Variants in MMP16 observed in about 807,000 individuals in gnomAD.
The protein encoded by MMP16 is matrix metallopeptidase 16.
Under a neutral mutation model 67.8 loss-of-function variants are expected in MMP16, and 12 were observed. The ratio of observed to expected loss-of-function variants is 0.18; its 90% CI spans 0.11 to 0.29. MMP16 has a LOEUF of 0.29. Among genes scored for constraint, MMP16 ranks in the 10% least tolerant of loss-of-function variants. The pLI, the probability that MMP16 is intolerant of heterozygous loss-of-function variation, is 1.00. For missense variants in MMP16, 475 were observed against 765.7 expected, an observed-to-expected ratio of 0.62 and a Z score of 4.48; for synonymous variants, 249 against 255.9, an observed-to-expected ratio of 0.97 and a Z score of 0.26.
intron 1 of MMP16, among the ~76,000 whole-genome samples, chr8:88,206,138 TA>T (rs199681070): frequency 2.1e-4 from 32 of 151,826 alleles, no homozygotes; most frequent in East Asian, 1.7e-3. Flanking sequence ...TAAATTGTGG[TA>T]AAAAAAATAT....
At chr8:88,181,721 A>G (rs1257338815) in intron 3 of MMP16, among the ~76,000 whole-genome samples, 1 of 152,004 alleles carries the variant, frequency 6.6e-6, no homozygotes, top group Admixed American at 6.5e-5. Flanking sequence ...CAGAATACTT[A>G]AGAAAATAAA....
chr8:88,080,445 ATTTAT>A (rs1358324864), intron 6 of MMP16, among the ~76,000 whole-genome samples: 2 of 151,964 alleles, frequency 1.3e-5, no homozygotes, highest in African/African-American at 4.8e-5. Flanking sequence ...ATATTTATTT[ATTTAT>A]TTTGAGACAG....
At chr8:88,161,893 A>C (rs1217912420) in intron 4 of MMP16, among the ~76,000 whole-genome samples, 2 of 151,830 alleles carry the variant, frequency 1.3e-5, no homozygotes, top group Non-Finnish European at 2.9e-5. Context: ...CCTGAGTTCT[A>C]GTTTGATTGC....
chr8:88,185,564 T>A (rs1250699586), intron 3 of MMP16, among the ~76,000 whole-genome samples: 1 of 152,192 alleles, frequency 6.6e-6, no homozygotes, highest in African/African-American at 2.4e-5. Flanking sequence ...CAAAGGGTTA[T>A]TTACATGAAG....
rs186449478 is a variant in MMP16 at position 88,083,680 on chromosome 8, T to A, written c.1084-8937A>T. 6.8e-4 allele frequency among the ~76,000 whole-genome samples: 103 copies of A among 152,190 alleles called. 1 individual carries two copies. Among genetic ancestry groups the A allele is most frequent in the African/African-American group, 2.5e-3 (102 of 41,570 alleles). On this transcript the variant is annotated intron_variant, in intron 6 of 9. Coordinates refer to ENST00000286614, the MANE Select transcript of MMP16 (RefSeq NM_005941.5). The stretch of plus-strand genomic sequence containing the variant: ...GAGTTAAACATCTGTGCTGCCTTTT[T>A]AGAAGAAAAAATGTAGTTCATCTCT...
At chr8:88,057,230 T>C (rs541083539) in intron 7 of MMP16, among the ~76,000 whole-genome samples, 1 of 152,296 alleles carries the variant, frequency 6.6e-6, no homozygotes, top group African/African-American at 2.4e-5. Context: ...TCTGGGCTTA[T>C]TGTATTTTAC....
Position 88,167,942 on chromosome 8 carries a change from G to C in MMP16, c.436C>G (p.Pro146Ala). ...IKNVTPKVGD[P>A]ETRKAIRRAF... Reference sequence around the variant, plus strand: ...CGGCGAATAGCTTTACGAGTCTCAGGGTCTCCTACTTTTGGAGTTACGTTC... The same window carrying C: ...CGGCGAATAGCTTTACGAGTCTCAGCGTCTCCTACTTTTGGAGTTACGTTC... The change falls in exon 4 of 10, where the codon CCT becomes GCT. Residue 146 changes from proline (P) to alanine (A), a missense_variant. Physicochemically the swap from Pro to Ala is conservative, Grantham distance 27. This residue lies in a region of MMP16 where 170 missense variants were observed against 239.6 expected (regional missense o/e 0.71). Transcript: ENST00000286614. 7 of 1,612,124 alleles carry C rather than the reference G, an allele frequency of 4.3e-6. No homozygotes were observed. The South Asian group carries it at 6.6e-5, about 15-fold the overall frequency.
chr8:88,109,329 T>C (rs1809294617), intron 6 of MMP16, among the ~76,000 whole-genome samples: 1 of 151,326 alleles, frequency 6.6e-6, no homozygotes, highest in Non-Finnish European at 1.5e-5. Context: ...GACTATCACA[T>C]AATTTGCAAA....
chr8:88,109,883 A>G (rs1433583784), intron 6 of MMP16, among the ~76,000 whole-genome samples: 2 of 151,270 alleles, frequency 1.3e-5, no homozygotes, highest in African/African-American at 4.8e-5. Flanking sequence ...TTTAAATTGA[A>G]CCACAATTAA....
At chr8:88,105,128 C>G (rs1406922033) in intron 6 of MMP16, among the ~76,000 whole-genome samples, 1 of 140,430 alleles carries the variant, frequency 7.1e-6, no homozygotes, top group Non-Finnish European at 1.5e-5. Context: ...CATAGGTGTA[C>G]CATTTTTTAT....
At chr8:88,110,351 A>G (rs1397875040) in intron 6 of MMP16, among the ~76,000 whole-genome samples, 1 of 151,600 alleles carries the variant, frequency 6.6e-6, no homozygotes, top group East Asian at 1.9e-4. Flanking sequence ...TTAAAAATAA[A>G]TTAATGTGGA....
chr8:88,245,377 A>G (rs1308577043), intron 1 of MMP16, among the ~76,000 whole-genome samples: 4 of 152,198 alleles, frequency 2.6e-5, no homozygotes, highest in Non-Finnish European at 5.9e-5. Context: ...TGAGTATGGA[A>G]GTCATATGGA....
At chr8:88,052,046 C>T (rs993632870) in intron 8 of MMP16, among the ~76,000 whole-genome samples, 3 of 152,270 alleles carry the variant, frequency 2.0e-5, no homozygotes, top group East Asian at 3.9e-4. Context: ...CTCTCTTTAG[C>T]TATCTCTATA....
At chr8:88,235,971 A>G (rs993833048) in intron 1 of MMP16, among the ~76,000 whole-genome samples, 1 of 152,240 alleles carries the variant, frequency 6.6e-6, no homozygotes, top group Non-Finnish European at 1.5e-5. Context: ...GATCAAGAAC[A>G]TAACTCCCAG....
intron 1 of MMP16, among the ~76,000 whole-genome samples, chr8:88,308,257 T>C (rs1225223724): frequency 6.6e-6 from 1 of 152,122 alleles, no homozygotes; most frequent in African/African-American, 2.4e-5. Flanking sequence ...GCAGCAAACT[T>C]GCATTAGGCA....
chr8:88,135,978 G>T (rs1808112760), intron 4 of MMP16, among the ~76,000 whole-genome samples: 1 of 151,682 alleles, frequency 6.6e-6, no homozygotes, highest in African/African-American at 2.4e-5. Context: ...GCAGAAAAAA[G>T]ATACAGAAAG....
At chr8:88,215,055 C>T (rs772070878) in intron 1 of MMP16, among the ~76,000 whole-genome samples, 1 of 152,128 alleles carries the variant, frequency 6.6e-6, no homozygotes, top group Non-Finnish European at 1.5e-5. Context: ...TGAGGCTGGG[C>T]GCTGTGGCTC....
At chr8:88,174,545 A>G (rs1808854038) in intron 3 of MMP16, among the ~76,000 whole-genome samples, 4 of 152,206 alleles carry the variant, frequency 2.6e-5, no homozygotes, top group African/African-American at 9.6e-5. Context: ...TTTTTGGTTT[A>G]AATACTTCCA....
At chr8:88,203,623 T>C (rs759783080) in intron 1 of MMP16, among the ~76,000 whole-genome samples, 9 of 152,242 alleles carry the variant, frequency 5.9e-5, no homozygotes, top group African/African-American at 9.6e-5. Context: ...ATACAACATA[T>C]AGCTATTTTT....
Sources: gnomAD v4.1 joint callset for allele counts (sites outside exome capture counted in the v4.1 genomes callset) on GRCh38, gnomAD v4.1.1 for gene constraint, gnomAD v4.1.1 regional missense constraint, MANE v1.5 for transcripts, NCBI Gene and HGNC (gene_info 2026-07-23, HGNC 2026-07-21) for gene names.